Variants in FHOD3 observed in about 807,000 individuals in gnomAD.
The protein encoded by FHOD3 is formin homology 2 domain containing 3.
A neutral mutation model predicts 173.0 loss-of-function variants in FHOD3; 90 were observed. The ratio of observed to expected loss-of-function variants is 0.52; its 90% confidence interval spans 0.44 to 0.62. The LOEUF is 0.62. Ranked by LOEUF, FHOD3 falls within the 20% of genes least tolerant of loss-of-function variation. The probability of loss-of-function intolerance (pLI) is 0.00; values close to 1 mark genes in which losing one functional copy is unlikely to be tolerated. For synonymous variants in FHOD3, 828 were observed against 823.0 expected (o/e 1.01, Z -0.10); for missense variants, 1,945 against 2,034.7 (o/e 0.96, Z 0.85).
intron 3 of FHOD3, among the ~76,000 whole-genome samples, chr18:36,418,829 T>C (rs1194345934): frequency 2.0e-5 from 3 of 151,988 alleles, no homozygotes; most frequent in Non-Finnish European, 4.4e-5. Context: ...GTGGGAGGAT[T>C]CTTGAGCCCG....
At chr18:36,750,971 T>C (rs775226740) in intron 24 of FHOD3, among the ~76,000 whole-genome samples, 2 of 152,248 alleles carry the variant, frequency 1.3e-5, no homozygotes, top group Non-Finnish European at 2.9e-5. Flanking sequence ...GGCTCTTTTT[T>C]TGTTCCATAT....
At chr18:36,737,522 C>T (rs2041697947) in intron 20 of FHOD3, among the ~76,000 whole-genome samples, 2 of 152,180 alleles carry the variant, frequency 1.3e-5, no homozygotes, top group African/African-American at 2.4e-5. Context: ...ACACTGCCAC[C>T]ACCTATCTCT....
At chr18:36,679,459 C>T (rs1035674660) in intron 14 of FHOD3, among the ~76,000 whole-genome samples, 1 of 151,886 alleles carries the variant, frequency 6.6e-6, no homozygotes, top group Non-Finnish European at 1.5e-5. Flanking sequence ...CCACTGTTGC[C>T]TTTCCAATTG....
At chr18:36,724,627 C>G (rs1360374620) in intron 19 of FHOD3, among the ~76,000 whole-genome samples, 1 of 152,192 alleles carries the variant, frequency 6.6e-6, no homozygotes, top group East Asian at 1.9e-4. Context: ...GTTTCCTGCT[C>G]GCCTAGACAG....
At chr18:36,582,910 CGATT>C (rs1196196392) in intron 6 of FHOD3, among the ~76,000 whole-genome samples, 3 of 152,158 alleles carry the variant, frequency 2.0e-5, no homozygotes, top group Non-Finnish European at 2.9e-5. Flanking sequence ...TGCGTGTCTG[CGATT>C]GATTGATTCA....
intron 6 of FHOD3, among the ~76,000 whole-genome samples, chr18:36,584,054 C>A (rs1197526641): frequency 6.6e-6 from 1 of 152,162 alleles, no homozygotes; most frequent in Non-Finnish European, 1.5e-5. Context: ...TCTCAAACTC[C>A]TGAGCTTAGG....
chr18:36,328,057 ACTTTAT>A (rs1419471552), intron 1 of FHOD3, among the ~76,000 whole-genome samples: 1 of 152,140 alleles, frequency 6.6e-6, no homozygotes, highest in African/African-American at 2.4e-5. Context: ...GAAGCTTTCC[ACTTTAT>A]CTGTTCAAAT....
chr18:36,768,762 A>G (rs1184404099), intron 27 of FHOD3, among the ~76,000 whole-genome samples: 2 of 152,166 alleles, frequency 1.3e-5, no homozygotes, highest in Admixed American at 1.3e-4. Context: ...ATTTCTTTCT[A>G]CTTAGCGAGA....
chr18:36,371,603 C>G (rs1045103077), intron 2 of FHOD3, among the ~76,000 whole-genome samples: 1 of 152,222 alleles, frequency 6.6e-6, no homozygotes. Flanking sequence ...TCAGAATCAA[C>G]AAACCATTGT....
intron 1 of FHOD3, among the ~76,000 whole-genome samples, chr18:36,351,032 C>G (rs1339021733): frequency 6.6e-6 from 1 of 152,070 alleles, no homozygotes; most frequent in Non-Finnish European, 1.5e-5. Flanking sequence ...TATTAATCTC[C>G]TGTGTCTCGG....
chr18:36,578,891 T>C (rs147440548), intron 6 of FHOD3, among the ~76,000 whole-genome samples: 1 of 151,896 alleles, frequency 6.6e-6, no homozygotes, highest in Non-Finnish European at 1.5e-5. Flanking sequence ...GATGAGAGAA[T>C]TTTTCCCCAT....
chr18:36,649,437 C>T, intron 11 of FHOD3, 32 bp downstream of exon 11: 1 of 1,496,086 alleles, frequency 6.7e-7, no homozygotes, highest in Non-Finnish European at 9.0e-7. Context: ...CAAGCTCACA[C>T]TAAAAGTGGG....
chr18:36,526,573 T>C (rs1159043188), intron 5 of FHOD3, among the ~76,000 whole-genome samples: 1 of 152,170 alleles, frequency 6.6e-6, no homozygotes, highest in Non-Finnish European at 1.5e-5. Flanking sequence ...CTAATTTTTA[T>C]ATTTATTTTA....
At chr18:36,337,896 A>C (rs762725562) in intron 1 of FHOD3, among the ~76,000 whole-genome samples, 8 of 152,066 alleles carry the variant, frequency 5.3e-5, no homozygotes, top group Non-Finnish European at 7.4e-5. Context: ...AGAATGGAGG[A>C]AACAGAGGGG....
intron 1 of FHOD3, among the ~76,000 whole-genome samples, chr18:36,326,381 A>G (rs1000246064): frequency 4.6e-5 from 7 of 152,222 alleles, no homozygotes; most frequent in Admixed American, 3.3e-4. Flanking sequence ...GCTGTTTCTC[A>G]TATATGAAGT....
chr18:36,343,163 A>C (rs938081334), intron 1 of FHOD3, among the ~76,000 whole-genome samples: 1 of 152,258 alleles, frequency 6.6e-6, no homozygotes, highest in Non-Finnish European at 1.5e-5. Context: ...TATATACCCA[A>C]GAGAGGTGAA....
At chr18:36,548,383 A>G (rs2057501156) in intron 5 of FHOD3, among the ~76,000 whole-genome samples, 1 of 152,118 alleles carries the variant, frequency 6.6e-6, no homozygotes, top group South Asian at 2.1e-4. Context: ...TCAGCCGTTG[A>G]TTTTAAAACA....
chr18:36,489,880 G>A (rs983437599), intron 3 of FHOD3, among the ~76,000 whole-genome samples: 7 of 152,054 alleles, frequency 4.6e-5, no homozygotes, highest in Admixed American at 1.3e-4. Context: ...GGAGGAGGGC[G>A]GTTGGCCAAG....
intron 23 of FHOD3, among the ~76,000 whole-genome samples, chr18:36,745,783 C>T (rs1378499883): frequency 1.4e-5 from 2 of 148,078 alleles, no homozygotes; most frequent in Non-Finnish European, 3.0e-5. Context: ...TGCCACTCAT[C>T]CCCCCACCTG....
Sources: gnomAD v4.1 joint callset for allele counts (sites outside exome capture counted in the v4.1 genomes callset) on GRCh38, gnomAD v4.1.1 for gene constraint, MANE v1.5 for transcripts, NCBI Gene and HGNC (gene_info 2026-07-23, HGNC 2026-07-21) for gene names.